Variants in EEA1 observed in about 807,000 individuals in gnomAD.
EEA1 encodes the protein early endosome antigen 1.
In EEA1, 111 loss-of-function variants were observed where a neutral mutation model predicts 209.2. The ratio of observed to expected loss-of-function variants is 0.53; its 90% CI spans 0.45 to 0.62. EEA1 has a LOEUF of 0.62. Among genes scored for constraint, EEA1 ranks in the 20% least tolerant of loss-of-function variants. EEA1 has a pLI of 0.00. For synonymous variants in EEA1, 536 were observed against 540.6 expected (o/e 0.99, Z 0.12); for missense variants, 1,343 against 1,530.8 (o/e 0.88, Z 2.05).
chr12:92,890,237 A>G (rs1368994748), intron 2 of EEA1, among the ~76,000 whole-genome samples: 1 of 152,188 alleles, frequency 6.6e-6, no homozygotes, highest in African/African-American at 2.4e-5. Flanking sequence ...TGGGAATTAT[A>G]TGAAGTAGAG....
At chr12:92,824,807 C>G (rs1420002339) in intron 13 of EEA1, among the ~76,000 whole-genome samples, 1 of 152,202 alleles carries the variant, frequency 6.6e-6, no homozygotes, top group African/African-American at 2.4e-5. Context: ...TTATCCTTGC[C>G]TCTCTCACTA....
intron 3 of EEA1, 39 bp downstream of exon 3, chr12:92,864,821 T>C: frequency 6.7e-7 from 1 of 1,482,098 alleles, no homozygotes; most frequent in Non-Finnish European, 9.0e-7. Context: ...ACCACATGCA[T>C]ATTCCATAAC....
At chr12:92,910,008 T>C (rs1203668833) in intron 1 of EEA1, among the ~76,000 whole-genome samples, 2 of 151,988 alleles carry the variant, frequency 1.3e-5, no homozygotes, top group Non-Finnish European at 2.9e-5. Context: ...CCAGGTGTGG[T>C]AGCAGCCACC....
intron 1 of EEA1, among the ~76,000 whole-genome samples, chr12:92,923,782 T>C (rs1031592617): frequency 2.9e-5 from 4 of 139,690 alleles, no homozygotes; most frequent in Non-Finnish European, 6.1e-5. Flanking sequence ...TAGCACAAAA[T>C]AAATATTCGG....
intron 24 of EEA1, 59 bp downstream of exon 24, chr12:92,780,221 A>G (rs1215996527): frequency 3.8e-5 from 57 of 1,511,462 alleles, no homozygotes; most frequent in Non-Finnish European, 8.9e-7. Context: ...ATGGGTATAT[A>G]TATTTCTTTA....
At chr12:92,784,692 C>T (rs1375776645) in intron 22 of EEA1, among the ~76,000 whole-genome samples, 2 of 152,200 alleles carry the variant, frequency 1.3e-5, no homozygotes, top group Non-Finnish European at 2.9e-5. Flanking sequence ...CTTTCATCTA[C>T]ATCATTCAAT....
chr12:92,778,565 A>G (rs1056488583), intron 25 of EEA1, among the ~76,000 whole-genome samples: 10 of 152,054 alleles, frequency 6.6e-5, no homozygotes, highest in Non-Finnish European at 1.3e-4. Flanking sequence ...GCCAAAAACC[A>G]TTATGAAACC....
chr12:92,832,434 T>C (rs912372352), intron 11 of EEA1, 78 bp downstream of exon 11: 2 of 1,356,258 alleles, frequency 1.5e-6, no homozygotes, highest in African/African-American at 2.9e-5. Flanking sequence ...ATGAACTATA[T>C]TATGATCAAA....
rs759709731 is a variant in EEA1, at chr12:92,776,845, C to T, written c.4112G>A (p.Arg1371Gln). 3.1e-6 allele frequency: 5 copies of T among 1,609,854 alleles called. No individual in the cohort carries two copies. Among genetic ancestry groups the T allele is most frequent in the Admixed American group, 1.7e-5 (1 of 59,752 alleles). Reference protein sequence around the residue: ...CGKGFSVTVRRHHCRQCGNIF... With the variant: ...CGKGFSVTVRQHHCRQCGNIF... The stretch of plus-strand genomic sequence containing the variant: ...AGTTACATGAACAAAATTATTTACC[C>T]GTCTCACTGTTACTGAAAAGCCTTT... The change falls in exon 28 of 29, where the codon CGG (arginine) becomes CAG (glutamine). Residue 1371 changes from arginine to glutamine, a missense_variant and splice_region_variant. Arg to Gln is a conservative substitution (Grantham distance 43, BLOSUM62 1). Transcript: ENST00000322349.
chr12:92,898,063 C>G (rs751205183), intron 1 of EEA1, among the ~76,000 whole-genome samples: 1 of 151,294 alleles, frequency 6.6e-6, no homozygotes, highest in East Asian at 1.9e-4. Context: ...CCAAGATATG[C>G]CTATATACAA....
At chr12:92,810,949 A>C (rs1875467720) in intron 17 of EEA1, among the ~76,000 whole-genome samples, 2 of 152,132 alleles carry the variant, frequency 1.3e-5, no homozygotes, top group Admixed American at 1.3e-4. Flanking sequence ...ATGAAGGAAC[A>C]GAAGAGACTT....
rs973985441 is a variant in EEA1 at position 92,832,043 on chromosome 12, C to T, written c.1254+469G>A. Among the ~76,000 whole-genome samples the T allele has an allele frequency of 4.7e-5, 7 of 149,342 alleles. No individual in the cohort carries two copies. The East Asian group carries it at 1.4e-3, about 29-fold the overall frequency. ...CGGAGCTTGCAGTGAGCCGAGATTGCGCCACTGCAGTCCGCAGTCCGGCCT... is the reference window on the plus strand; with the variant it reads ...CGGAGCTTGCAGTGAGCCGAGATTGTGCCACTGCAGTCCGCAGTCCGGCCT... On this transcript the variant is annotated intron_variant, in intron 11 of 28. Coordinates refer to ENST00000322349, the MANE Select transcript of EEA1 (RefSeq NM_003566.4).
intron 2 of EEA1, among the ~76,000 whole-genome samples, chr12:92,871,516 A>G (rs1387064400): frequency 6.6e-6 from 1 of 152,224 alleles, no homozygotes; most frequent in African/African-American, 2.4e-5. Flanking sequence ...CTTTTCATAC[A>G]TAAGGGGCAG....
rs1382650742 is a variant in EEA1 at position 92,819,372 on chromosome 12, G to A, written c.1664C>T (p.Ala555Val). Residue 555 changes from alanine (A) to valine (V), a missense_variant, in exon 14 of 29, where the codon GCT (alanine) becomes GTT (valine). Around this residue, in one of 3 missense-constraint regions of EEA1, gnomAD observed 1,307 missense variants for 1,465.5 expected, o/e 0.89. Coordinates refer to ENST00000322349, the MANE Select transcript of EEA1 (RefSeq NM_003566.4). Reference protein sequence around the residue: ...EREDLYAKIQAGEGETAVLNQ... With the variant: ...EREDLYAKIQVGEGETAVLNQ... ...AAGAACAGCAGTCTCTCCTTCACCA[G>A]CCTGAATTTTTGCATAAAGATCTTC... 1 of 1,612,706 alleles carries A rather than the reference G, an allele frequency of 6.2e-7. No homozygotes were observed. The highest frequency in any genetic ancestry group is 1.1e-5 in the South Asian group (1 of 90,848).
intron 23 of EEA1, 23 bp from the exon 24 acceptor site, chr12:92,780,434 A>T (rs750536479): frequency 7.0e-7 from 1 of 1,418,568 alleles, no homozygotes; most frequent in Non-Finnish European, 9.5e-7. Context: ...GATATATTTT[A>T]AAATTATTTT....
intron 2 of EEA1, among the ~76,000 whole-genome samples, chr12:92,869,172 T>A (rs544981756): frequency 6.9e-4 from 105 of 152,154 alleles, no homozygotes; most frequent in Non-Finnish European, 1.4e-3. Flanking sequence ...CTAAATGATG[T>A]CCAAGGGGAT....
In EEA1 at chr12:92,900,434, G is replaced by GTT. The variant is rs532422609; in HGVS notation, c.25-8715_25-8714dup. 8.2e-4 allele frequency among the ~76,000 whole-genome samples: 119 copies of GTT among 144,572 alleles called. 1 individual carries two copies. The highest frequency in any genetic ancestry group is 1.4e-3 in the Non-Finnish European group (94 of 66,002). The allele number at this position is 144,572 out of a possible 152,430, so 94.8% of individuals were successfully genotyped here. On this transcript the variant is annotated intron_variant, in intron 1 of 28. Coordinates refer to ENST00000322349, the MANE Select transcript of EEA1 (RefSeq NM_003566.4). ...TATCCAGAGTATGTCTTTACTGTGT[G>GTT]TTTTTTTTTTTACATTTAATGCCCA... is the stretch of plus-strand genomic sequence containing the variant.
chr12:92,874,499 G>A (rs1050097560), intron 2 of EEA1, among the ~76,000 whole-genome samples: 3 of 152,192 alleles, frequency 2.0e-5, no homozygotes, highest in Non-Finnish European at 4.4e-5. Flanking sequence ...CCGAGTAGCT[G>A]GGATTACAGG....
chr12:92,819,750 T>C (rs1157068282), intron 13 of EEA1, among the ~76,000 whole-genome samples: 3 of 152,120 alleles, frequency 2.0e-5, no homozygotes, highest in South Asian at 4.1e-4. Flanking sequence ...CACGTTTTTT[T>C]TCTAACACTC....
Sources: allele counts gnomAD v4.1 joint callset (sites outside exome capture counted in the v4.1 genomes callset), GRCh38; gene constraint gnomAD v4.1.1; regional missense constraint gnomAD v4.1.1; transcripts MANE v1.5; gene names NCBI Gene and HGNC (gene_info 2026-07-23, HGNC 2026-07-21).